ASH2L: variants seen among roughly 807,000 people sequenced by gnomAD.
ASH2L encodes set1/Ash2 histone methyltransferase complex subunit ASH2.
ASH2L carries 30 observed loss-of-function variants against 81.1 expected under a neutral mutation model. That is an observed-to-expected ratio of 0.37 (90% CI 0.28 to 0.50). The LOEUF (loss-of-function observed/expected upper bound fraction) is 0.50. Among genes scored for constraint, ASH2L ranks in the 20% least tolerant of loss-of-function variants. The pLI is 0.95. For missense variants in ASH2L, 559 were observed against 792.1 expected (o/e 0.71, Z 3.53); for synonymous variants, 273 against 279.9 (o/e 0.98, Z 0.24).
At chr8:38,114,358 C>T (rs1002817310) in intron 6 of ASH2L, 71 bp downstream of exon 6, 4 of 950,178 alleles carry the variant, frequency 4.2e-6, no homozygotes, top group African/African-American at 3.4e-5. Flanking sequence ...TCAATAATAT[C>T]GTCTCATTGT....
intron 7 of ASH2L, 112 bp from the exon 8 acceptor site, chr8:38,116,538 A>G: frequency 1.2e-6 from 1 of 863,708 alleles, no homozygotes; most frequent in East Asian, 2.6e-5. Flanking sequence ...ATCTCAGAAA[A>G]AAAAGAATTG....
intron 5 of ASH2L, among the ~76,000 whole-genome samples, chr8:38,113,521 T>C (rs1056159189): frequency 3.3e-5 from 5 of 152,080 alleles, no homozygotes; most frequent in African/African-American, 1.2e-4. Context: ...GGCCAGAAGA[T>C]GAAGGTCAAA....
intron 10 of ASH2L, among the ~76,000 whole-genome samples, chr8:38,125,211 A>G (rs920551867): frequency 5.3e-5 from 8 of 152,330 alleles, no homozygotes; most frequent in African/African-American, 1.9e-4. Context: ...CCCAGATTTT[A>G]ACAGTTCAAG....
At chr8:38,116,592 A>G in intron 7 of ASH2L, 58 bp from the exon 8 acceptor site, 1 of 1,304,148 alleles carries the variant, frequency 7.7e-7, no homozygotes, top group Non-Finnish European at 1.1e-6. Flanking sequence ...TTGTTTTATG[A>G]GCATCCAGAT....
chr8:38,105,874 G>A, intron 1 of ASH2L, 136 bp downstream of exon 1: 2 of 1,437,128 alleles, frequency 1.4e-6, no homozygotes, highest in Non-Finnish European at 1.8e-6. Flanking sequence ...CCTCTGCGCC[G>A]CTTGGCCCGT....
intron 3 of ASH2L, among the ~76,000 whole-genome samples, chr8:38,109,353 A>G (rs1449419588): frequency 6.6e-6 from 1 of 152,222 alleles, no homozygotes; most frequent in Admixed American, 6.5e-5. Flanking sequence ...TCGTAATTCC[A>G]TGAGGGTAGC....
chr8:38,122,148 TTTG>T (rs1457410397), intron 10 of ASH2L, among the ~76,000 whole-genome samples: 1 of 152,208 alleles, frequency 6.6e-6, no homozygotes, highest in Admixed American at 6.5e-5. Context: ...CTTTGATTAT[TTTG>T]TTGTTTAAAT....
chr8:38,114,343 A>G (rs1233939076), intron 6 of ASH2L, 56 bp downstream of exon 6: 10 of 1,105,890 alleles, frequency 9.0e-6, no homozygotes, highest in Admixed American at 6.7e-5. Context: ...GTTTTTTGTA[A>G]GAATTCAATA....
chr8:38,122,626 A>G (rs954226853), intron 10 of ASH2L: 2 of 152,228 alleles, frequency 1.3e-5, no homozygotes, highest in African/African-American at 4.8e-5. Context: ...ATGTACACAG[A>G]TAACAATTTA....
chr8:38,121,974 T>C (rs942062657), intron 10 of ASH2L, among the ~76,000 whole-genome samples: 11 of 152,246 alleles, frequency 7.2e-5, no homozygotes, highest in African/African-American at 2.7e-4. Context: ...TTTTTAAACT[T>C]ATGTTCACTA....
chr8:38,121,333 T>TTATTTTTA (rs1230317862), intron 10 of ASH2L, among the ~76,000 whole-genome samples, 184 bp downstream of exon 10: 6 of 59,666 alleles, frequency 1.0e-4, no homozygotes, highest in African/African-American at 3.8e-4. Flanking sequence ...GCCGTTTTAT[T>TTATTTTTA]TATATATATA....
intron 10 of ASH2L, chr8:38,122,479 T>C (rs1801665860): frequency 6.6e-6 from 1 of 152,182 alleles, no homozygotes. Context: ...TTCCTTATTT[T>C]TTTTTTAAGT....
intron 14 of ASH2L, chr8:38,138,560 CAG>C (rs1802360680): frequency 4.9e-6 from 2 of 408,232 alleles, no homozygotes; most frequent in East Asian, 8.6e-5. Flanking sequence ...TTCCTTTTGA[CAG>C]AGCAAATTGG....
At chr8:38,105,781 C>A in intron 1 of ASH2L, 43 bp downstream of exon 1, 1 of 1,497,136 alleles carries the variant, frequency 6.7e-7, no homozygotes, top group Non-Finnish European at 8.9e-7. Flanking sequence ...GAGGGAGGCC[C>A]GCCCCTCGCG....
At chr8:38,107,896 GTGTGTGTGTATA>G (rs1288742272) in intron 3 of ASH2L, among the ~76,000 whole-genome samples, 3 of 146,462 alleles carry the variant, frequency 2.0e-5, no homozygotes, top group Non-Finnish European at 4.4e-5. Context: ...GTGTGTGTGT[GTGTGTGTGTATA>G]TGTATATATA....
chr8:38,114,588 A>T (rs1810816787), intron 6 of ASH2L, among the ~76,000 whole-genome samples: 1 of 151,392 alleles, frequency 6.6e-6, no homozygotes, highest in South Asian at 2.1e-4. Flanking sequence ...TTCTTCTATT[A>T]AAAAAAAAGT....
chr8:38,128,273 T>C lies in ASH2L; in HGVS notation c.1166-18T>C. On this transcript the variant is annotated intron_variant, in intron 10 of 15. Coordinates refer to ENST00000343823, the MANE Select transcript of ASH2L (RefSeq NM_004674.5). ...CTCAAATAAGTTGCAGGCCTTCTTT[T>C]AATCTCTGTCACCGCAGCTCCCCAG... 6.2e-7 allele frequency: 1 copy of C among 1,613,850 alleles called. No homozygotes were observed. Among genetic ancestry groups the C allele is most frequent in the African/African-American group, 1.3e-5 (1 of 75,048 alleles).
intron 14 of ASH2L, among the ~76,000 whole-genome samples, chr8:38,136,763 ACT>A (rs935677852): frequency 1.4e-5 from 2 of 144,948 alleles, no homozygotes; most frequent in African/African-American, 2.6e-5. Context: ...ACAAAACGAG[ACT>A]CTGTGTCAAA....
intron 2 of ASH2L, among the ~76,000 whole-genome samples, chr8:38,106,813 G>C (rs1810454715): frequency 6.7e-6 from 1 of 149,076 alleles, no homozygotes; most frequent in Non-Finnish European, 1.5e-5. Context: ...GCCCGGCCTT[G>C]TTTTTACATT....
Sources: gnomAD v4.1 joint callset for allele counts (sites outside exome capture counted in the v4.1 genomes callset) on GRCh38, gnomAD v4.1.1 for gene constraint, MANE v1.5 for transcripts, NCBI Gene and HGNC (gene_info 2026-07-23, HGNC 2026-07-21) for gene names.